AKAP9: variants seen among roughly 807,000 people sequenced by gnomAD.
AKAP9 encodes A-kinase anchor protein 9.
A neutral mutation model predicts 488.5 loss-of-function variants in AKAP9; 311 were observed. The observed-to-expected ratio is 0.64, with a 90% CI of 0.58 to 0.70. The LOEUF is 0.70. Ranked by LOEUF, AKAP9 falls within the 30% of genes least tolerant of loss-of-function variation. The pLI is 0.00. For synonymous variants in AKAP9, 1,462 were observed against 1,483.5 expected (o/e 0.99, Z 0.33); for missense variants, 4,215 against 4,374.5 (o/e 0.96, Z 1.03).
Position 92,070,886 on chromosome 7 carries a change from A to T in AKAP9, c.6508-19A>T, listed in dbSNP as rs747382076. ...GATTTAATTTATCAAATTTTGAGAA[A>T]ATTTTTATATATTTAAAGGTAGAGG... On this transcript the variant is annotated intron_variant, in intron 27 of 49. Transcript: ENST00000356239. 1.9e-6 allele frequency: 3 copies of T among 1,558,026 alleles called. No homozygotes were observed. Among genetic ancestry groups the T allele is most frequent in the Admixed American group, 3.7e-5 (2 of 54,242 alleles).
intron 1 of AKAP9, among the ~76,000 whole-genome samples, chr7:91,948,979 G>A (rs1372073521): frequency 6.6e-6 from 1 of 152,058 alleles, no homozygotes; most frequent in Non-Finnish European, 1.5e-5. Flanking sequence ...TTGAACTCCT[G>A]ACCTCAGGTG....
intron 49 of AKAP9, among the ~76,000 whole-genome samples, chr7:92,109,879 A>C (rs1342636802): frequency 6.6e-6 from 1 of 152,132 alleles, no homozygotes; most frequent in Non-Finnish European, 1.5e-5. Flanking sequence ...TGAACCCAGG[A>C]GGCGGGGGTT....
At chr7:92,028,002 G>A (rs935938374) in intron 14 of AKAP9, among the ~76,000 whole-genome samples, 17 of 150,174 alleles carry the variant, frequency 1.1e-4, no homozygotes, top group African/African-American at 3.2e-4. Context: ...CCCCAACCCC[G>A]TGCTCTCTGA....
In AKAP9 at chr7:92,083,299, G is replaced by A. The variant is rs781334048; in HGVS notation, c.8290G>A (p.Ala2764Thr). 17 of 1,614,092 alleles carry A rather than the reference G, an allele frequency of 1.1e-5. No homozygotes were observed. The highest frequency in any genetic ancestry group is 1.4e-5 in the Non-Finnish European group (16 of 1,180,018). The change falls in exon 33 of 50, where the codon GCC becomes ACC. Residue 2764 changes from alanine to threonine, a missense_variant. By Grantham distance (58) the Ala-to-Thr change is moderately conservative. Coordinates refer to ENST00000356239, the MANE Select transcript of AKAP9 (RefSeq NM_005751.5). ...DETEVQESKKACMFEPLPIKL... is the reference protein window; with the variant it reads ...DETEVQESKKTCMFEPLPIKL... ...GACTGAGGTACAAGAAAGCAAAAAG[G>A]CCTGCATGTTTGAGCCACTTCCTAT... is the stretch of plus-strand genomic sequence containing the variant.
intron 8 of AKAP9, among the ~76,000 whole-genome samples, chr7:92,006,064 A>T (rs933893300): frequency 6.6e-6 from 1 of 152,206 alleles, no homozygotes; most frequent in Non-Finnish European, 1.5e-5. Context: ...CACATCTTTT[A>T]AAATTTTTTA....
intron 3 of AKAP9, among the ~76,000 whole-genome samples, chr7:91,988,247 T>C (rs1166301564): frequency 7.5e-6 from 1 of 132,492 alleles, no homozygotes; most frequent in Non-Finnish European, 1.5e-5. Flanking sequence ...CCCAGGAGTA[T>C]GATCACACCA....
In AKAP9 at chr7:92,097,736, C is replaced by G; in HGVS notation, c.10549C>G (p.Gln3517Glu). 6.2e-7 allele frequency: 1 copy of G among 1,614,158 alleles called. No individual in the cohort carries two copies. Among genetic ancestry groups the G allele is most frequent in the South Asian group, 1.1e-5 (1 of 91,088 alleles). The stretch of plus-strand genomic sequence containing the variant: ...TAATCATGAATTAGAAATGATCAGA[C>G]AAAAGCTTCAATGTGTAGCTTCAAA... ...GCNHELEMIR[Q>E]KLQCVASKLQ... Residue 3517 changes from glutamine (Q) to glutamate (E), a missense_variant, in exon 42 of 50, where the codon CAA becomes GAA. This residue lies in a region of AKAP9 where 1,476 missense variants were observed against 1,477.4 expected (regional missense o/e 1.00). Coordinates refer to ENST00000356239, the MANE Select transcript of AKAP9 (RefSeq NM_005751.5).
chr7:92,053,578 G>T (rs1195149495), intron 22 of AKAP9, among the ~76,000 whole-genome samples: 4 of 152,178 alleles, frequency 2.6e-5, no homozygotes, highest in South Asian at 4.1e-4. Flanking sequence ...GTCTGCTTAT[G>T]TGACCAGGTA....
intron 3 of AKAP9, among the ~76,000 whole-genome samples, chr7:91,982,719 G>T (rs551261061): frequency 6.6e-6 from 1 of 152,100 alleles, no homozygotes; most frequent in African/African-American, 2.4e-5. Flanking sequence ...TAATGGGATC[G>T]CTGGGTCAGA....
rs1019010778 is a variant in AKAP9, at chr7:92,001,111, G to A, written c.1194G>A (p.Met398Ile). Reference sequence around the variant, plus strand: ...CTTCTGAAGAAATAAAACAGTTAATGGGGACAGTCGAAGAACTTCAGAAGA... The same window carrying A: ...CTTCTGAAGAAATAAAACAGTTAATAGGGACAGTCGAAGAACTTCAGAAGA... Reference protein sequence around the residue: ...RQSSEEIKQLMGTVEELQKRN... With the variant: ...RQSSEEIKQLIGTVEELQKRN... Residue 398 changes from methionine (M) to isoleucine (I), a missense_variant, in exon 8 of 50, where the codon ATG (methionine) becomes ATA (isoleucine). Coordinates refer to ENST00000356239, the MANE Select transcript of AKAP9 (RefSeq NM_005751.5). The A allele has an allele frequency of 1.9e-6, 3 of 1,613,916 alleles. No homozygotes were observed. The highest frequency in any genetic ancestry group is 2.5e-6 in the Non-Finnish European group (3 of 1,179,944).
chr7:92,109,037 C>A (rs1818960189), intron 49 of AKAP9: 2 of 259,948 alleles, frequency 7.7e-6, no homozygotes, highest in Non-Finnish European at 1.5e-5. Context: ...CAGAGCGAGA[C>A]CCTGTCTCAA....
At chr7:92,013,116 C>A (rs908181506) in intron 9 of AKAP9, among the ~76,000 whole-genome samples, 10 of 147,880 alleles carry the variant, frequency 6.8e-5, no homozygotes, top group Admixed American at 2.0e-4. Context: ...CTCAGCCTCC[C>A]AAGTAGCTGG....
chr7:92,073,377 G>A (rs527498892), intron 28 of AKAP9, among the ~76,000 whole-genome samples: 157 of 151,432 alleles, frequency 1.0e-3, no homozygotes, highest in African/African-American at 3.8e-3. Flanking sequence ...GTGGTGGCGG[G>A]CGCCTGTAGT....
rs752682075 is a variant in AKAP9 at position 92,105,680 on chromosome 7, T to A, written c.11333T>A (p.Met3778Lys). 11 of 1,613,666 alleles carry A rather than the reference T, an allele frequency of 6.8e-6. No homozygotes were observed. Among genetic ancestry groups the A allele is most frequent in the Non-Finnish European group, 9.3e-6 (11 of 1,179,514 alleles). The stretch of plus-strand genomic sequence containing the variant: ...TTTTATCTTGGAATCTTTTTTAGAA[T>A]GAAATTTTTGGTTCGACGGTGGCAT... ...AVRVSIAISR[M>K]KFLVRRWHRV... Residue 3778 changes from methionine to lysine, a missense_variant and splice_region_variant, in exon 47 of 50, where the codon ATG (methionine) becomes AAG (lysine). Coordinates refer to ENST00000356239, the MANE Select transcript of AKAP9 (RefSeq NM_005751.5).
At chr7:91,967,283 C>T (rs1308990036) in intron 1 of AKAP9, among the ~76,000 whole-genome samples, 2 of 152,078 alleles carry the variant, frequency 1.3e-5, no homozygotes, top group Non-Finnish European at 2.9e-5. Context: ...TTGACCTTTT[C>T]CTTTCCAATT....
At chr7:92,073,399 G>T (rs867541402) in intron 28 of AKAP9, among the ~76,000 whole-genome samples, 7 of 151,212 alleles carry the variant, frequency 4.6e-5, no homozygotes, top group African/African-American at 1.5e-4. Flanking sequence ...CCAGCTACTC[G>T]GGAGGCTGAG....
In AKAP9 at chr7:92,107,370, C is replaced by G. The variant is rs140053176; in HGVS notation, c.11494C>G (p.Arg3832Gly). ...TGGAGAACCAAGACATACTACGTAT[C>G]GCTCAAGATCAGATCTGGACTATAT... The part of the protein sequence containing the change: ...LYGEPRHTTY[R>G]SRSDLDYIRS... The change falls in exon 48 of 50, where the codon CGC becomes GGC. Residue 3832 changes from arginine to glycine, a missense_variant. Arg to Gly is a moderately radical substitution (Grantham distance 125). Coordinates refer to ENST00000356239, the MANE Select transcript of AKAP9 (RefSeq NM_005751.5). The G allele has an allele frequency of 6.2e-7, 1 of 1,613,584 alleles. No homozygotes were observed. The highest frequency in any genetic ancestry group is 1.1e-5 in the South Asian group (1 of 91,078).
chr7:91,959,292 TA>T (rs1793427970), intron 1 of AKAP9, among the ~76,000 whole-genome samples: 2 of 151,910 alleles, frequency 1.3e-5, no homozygotes, highest in Admixed American at 1.3e-4. Context: ...TTAATTTTAT[TA>T]TTACTACTAT....
chr7:92,109,953 G>A (rs1819098145), intron 49 of AKAP9, among the ~76,000 whole-genome samples, 169 bp from the exon 50 acceptor site: 1 of 152,074 alleles, frequency 6.6e-6, no homozygotes, highest in African/African-American at 2.4e-5. Context: ...TCCACCTTGG[G>A]GGTAGTGGGG....
Sources: allele counts gnomAD v4.1 joint callset (sites outside exome capture counted in the v4.1 genomes callset), GRCh38; gene constraint gnomAD v4.1.1; regional missense constraint gnomAD v4.1.1; transcripts MANE v1.5; gene names NCBI Gene and HGNC (gene_info 2026-07-23, HGNC 2026-07-21).